Variants in ZNF227 observed in about 807,000 individuals in gnomAD.
ZNF227 encodes the protein zinc finger protein 227.
In ZNF227, 12 loss-of-function variants were observed where a neutral mutation model predicts 13.2. The observed-to-expected ratio is 0.91, with a 90% CI of 0.58 to 1.47. The LOEUF (loss-of-function observed/expected upper bound fraction) is 1.47. Among genes scored for constraint, ZNF227 ranks in the 40% most tolerant of loss-of-function variants. ZNF227 has a pLI of 0.00. For synonymous variants in ZNF227, 338 were observed against 326.0 expected, an observed-to-expected ratio of 1.04 and a Z score of -0.40; for missense variants, 885 against 967.5, an observed-to-expected ratio of 0.91 and a Z score of 1.13.
At chr19:44,231,085 TA>T (rs1973784969) in intron 5 of ZNF227, among the ~76,000 whole-genome samples, 1 of 150,970 alleles carries the variant, frequency 6.6e-6, no homozygotes, top group Non-Finnish European at 1.5e-5. Flanking sequence ...AAATTAAAAG[TA>T]AAAATTAGAT....
intron 5 of ZNF227, 61 bp from the exon 6 acceptor site, chr19:44,234,641 T>C (rs960435761): frequency 6.9e-7 from 1 of 1,443,298 alleles, no homozygotes; most frequent in Non-Finnish European, 9.3e-7. Context: ...AATTCTGATA[T>C]TTCTGAAGAA....
chr19:44,231,269 C>T (rs1236384184), intron 5 of ZNF227, among the ~76,000 whole-genome samples: 1 of 150,960 alleles, frequency 6.6e-6, no homozygotes, highest in African/African-American at 2.4e-5. Flanking sequence ...TGACCACCAC[C>T]ATGCCCAACT....
chr19:44,214,051 T>C (rs1971590927), intron 2 of ZNF227, among the ~76,000 whole-genome samples: 1 of 152,222 alleles, frequency 6.6e-6, no homozygotes, highest in African/African-American at 2.4e-5. Flanking sequence ...GATGGCTCAT[T>C]GATAATTTTT....
At chr19:44,232,653 A>G (rs1342499028) in intron 5 of ZNF227, among the ~76,000 whole-genome samples, 5 of 151,594 alleles carry the variant, frequency 3.3e-5, no homozygotes, top group East Asian at 1.9e-4. Context: ...AATCATATCT[A>G]TAAATTGCTT....
At chr19:44,213,068 G>A (rs918989833) in intron 1 of ZNF227, 22 bp from the exon 2 acceptor site, 1 of 151,556 alleles carries the variant, frequency 6.6e-6, no homozygotes, top group African/African-American at 2.4e-5. Flanking sequence ...AACTTTTACA[G>A]ATCTTTTTTT....
intron 5 of ZNF227, among the ~76,000 whole-genome samples, chr19:44,231,124 T>A (rs1973790244): frequency 6.6e-6 from 1 of 151,032 alleles, no homozygotes; most frequent in Admixed American, 6.6e-5. Context: ...ATTTTTTTTT[T>A]TTTTGAGACC....
At chr19:44,219,211 A>AC (rs1391580975) in intron 3 of ZNF227, among the ~76,000 whole-genome samples, 2 of 152,142 alleles carry the variant, frequency 1.3e-5, no homozygotes, top group East Asian at 3.9e-4. Context: ...TGGAGGATAG[A>AC]CCCCAACAAT....
intron 5 of ZNF227, among the ~76,000 whole-genome samples, 184 bp downstream of exon 5, chr19:44,230,000 C>A (rs1471577216): frequency 6.6e-6 from 1 of 151,964 alleles, no homozygotes; most frequent in Non-Finnish European, 1.5e-5. Flanking sequence ...TAAATGGTAG[C>A]CGGAGTGGTT....
chr19:44,212,215 A>G (rs1350066725), upstream of ZNF227, among the ~76,000 whole-genome samples: 1 of 151,688 alleles, frequency 6.6e-6, no homozygotes, highest in Non-Finnish European at 1.5e-5. Flanking sequence ...ACTTTTTGTT[A>G]ATAAGAAAAA....
At position 44,236,027 on chromosome 19, in the gene ZNF227, T is replaced by C. The variant is rs141550666; in HGVS notation, c.1597T>C (p.Ser533Pro). 1.1e-4 allele frequency: 181 copies of C among 1,610,474 alleles called. No homozygotes were observed. Among genetic ancestry groups the C allele is most frequent in the Non-Finnish European group, 1.5e-4 (172 of 1,179,112 alleles). ...ETCGKGFSQS[S>P]KLQTHQRVHT... ...GTGTGGGAAGGGCTTCAGTCAGTCC[T>C]CAAAGCTTCAAACCCATCAGCGAGT... is the stretch of plus-strand genomic sequence containing the variant. Residue 533 changes from serine to proline, a missense_variant, in exon 6 of 6, where the codon TCA (serine) becomes CCA (proline). Physicochemically the swap from Ser to Pro is moderately conservative, Grantham distance 74. Transcript: ENST00000313040.
chr19:44,234,774 C>G lies in ZNF227; in HGVS notation c.344C>G (p.Ser115Cys). The G allele has an allele frequency of 1.9e-6, 3 of 1,613,360 alleles. No individual in the cohort carries two copies. The highest frequency in any genetic ancestry group is 2.5e-6 in the Non-Finnish European group (3 of 1,179,882). The change falls in exon 6 of 6, where the codon TCC becomes TGC. Residue 115 changes from serine (S) to cysteine (C), a missense_variant. Ser to Cys is a moderately radical substitution (Grantham distance 112). Transcript: ENST00000313040. ...ALKYLSNQEL[S>C]CWQIWKQVAS... ...AAATACCTTTCAAATCAAGAGCTGT[C>G]CTGCTGGCAAATCTGGAAACAGGTT...
chr19:44,231,247 T>A (rs905915244), intron 5 of ZNF227, among the ~76,000 whole-genome samples: 2 of 151,688 alleles, frequency 1.3e-5, no homozygotes, highest in African/African-American at 4.8e-5. Context: ...CCGAAGTTAC[T>A]GGGATTACAG....
chr19:44,232,615 A>G (rs1001389085), intron 5 of ZNF227, among the ~76,000 whole-genome samples: 1 of 151,938 alleles, frequency 6.6e-6, no homozygotes, highest in South Asian at 2.1e-4. Flanking sequence ...TGGATAATCT[A>G]GGATAATCTC....
At chr19:44,220,711 GGTTA>G (rs1222828098) in intron 3 of ZNF227, among the ~76,000 whole-genome samples, 1 of 152,014 alleles carries the variant, frequency 6.6e-6, no homozygotes, top group Non-Finnish European at 1.5e-5. Context: ...ACAATGTGCA[GGTTA>G]GTTACATATG....
chr19:44,235,947 ATCT>A lies in ZNF227; in HGVS notation c.1520_1522del (p.Leu507del), dbSNP rs764067797. 3.1e-6 allele frequency: 5 copies of A among 1,613,790 alleles called. No homozygotes were observed. Among genetic ancestry groups the A allele is most frequent in the Non-Finnish European group, 3.4e-6 (4 of 1,179,972 alleles). On this transcript the variant is annotated inframe_deletion, in exon 6 of 6. Transcript: ENST00000313040. ...GGTAAGGGCTTCAGTCAGGCTTCAA[ATCT>A]TCAAGTCCATCAGAATGTCCACACT... is the stretch of plus-strand genomic sequence containing the variant.
rs1347579443 is a variant in ZNF227 at position 44,235,092 on chromosome 19, C to A, written c.662C>A (p.Thr221Lys). 6.2e-7 allele frequency: 1 copy of A among 1,613,738 alleles called. No individual in the cohort carries two copies. Among genetic ancestry groups the A allele is most frequent in the Admixed American group, 1.7e-5 (1 of 59,956 alleles). ...TTTCATGAGCATATTAAAACTGACA[C>A]AGAACCAAAACCCTGCAAAGGTAAT... is the stretch of plus-strand genomic sequence containing the variant. ...SPFHEHIKTD[T>K]EPKPCKGNEY... Residue 221 changes from threonine (T) to lysine (K), a missense_variant, in exon 6 of 6, where the codon ACA becomes AAA. Thr to Lys is a moderately conservative substitution (Grantham distance 78, BLOSUM62 -1). Coordinates refer to ENST00000313040, the MANE Select transcript of ZNF227 (RefSeq NM_182490.3).
At chr19:44,233,565 G>T (rs1169297625) in intron 5 of ZNF227, among the ~76,000 whole-genome samples, 3 of 152,060 alleles carry the variant, frequency 2.0e-5, no homozygotes, top group Non-Finnish European at 4.4e-5. Context: ...GTACTGTGGG[G>T]AAAAGTCAAG....
At chr19:44,232,557 T>C (rs1402655266) in intron 5 of ZNF227, among the ~76,000 whole-genome samples, 1 of 152,180 alleles carries the variant, frequency 6.6e-6, no homozygotes, top group Non-Finnish European at 1.5e-5. Flanking sequence ...CTGGGTGGCT[T>C]CCCTCTTTCT....
rs1303827632 is a variant in ZNF227 at position 44,234,730 on chromosome 19, A to G, written c.300A>G (p.Thr100=). ...GCAAGCATCAAAATAAGATGGAAAC[A>G]CTCCAAAAATTTGCATTAAAATACC... ...RSSKHQNKME[T]LQKFALKYLS... Residue 100 remains threonine (T), a synonymous_variant, in exon 6 of 6, where the codon ACA becomes ACG. Coordinates refer to ENST00000313040, the MANE Select transcript of ZNF227 (RefSeq NM_182490.3). 6.3e-6 allele frequency: 10 copies of G among 1,597,834 alleles called. No individual in the cohort carries two copies. Among genetic ancestry groups the G allele is most frequent in the Non-Finnish European group, 7.7e-6 (9 of 1,175,784 alleles).
Sources: gnomAD v4.1 joint callset for allele counts (sites outside exome capture counted in the v4.1 genomes callset) on GRCh38, gnomAD v4.1.1 for gene constraint, MANE v1.5 for transcripts, NCBI Gene and HGNC (gene_info 2026-07-23, HGNC 2026-07-21) for gene names.